Variants in PACRG observed in about 807,000 individuals in gnomAD.
The protein encoded by PACRG is parkin coregulated gene protein.
A neutral mutation model predicts 29.7 loss-of-function variants in PACRG; 29 were observed. That is an observed-to-expected ratio of 0.98 (90% CI 0.73 to 1.33). PACRG has a LOEUF of 1.33. Among genes scored for constraint, PACRG ranks in the 40% most tolerant of loss-of-function variants. The pLI, the probability that PACRG is intolerant of heterozygous loss-of-function variation, is 0.00. For synonymous variants in PACRG, 116 were observed against 118.7 expected (o/e 0.98, Z 0.15); for missense variants, 279 against 316.2 (o/e 0.88, Z 0.89).
chr6:163,007,942 C>T lies in PACRG; in HGVS notation c.292-54208C>T, dbSNP rs188686886. On this transcript the variant is annotated intron_variant, in intron 2 of 4. Transcript: ENST00000366888. ...GTGACCTCAGCTGAGCCTTCCACTG[C>T]GTACTTGGTTTCATTTTAAGTCCCC... Among the ~76,000 whole-genome samples, 243 of 152,216 alleles carry T rather than the reference C, an allele frequency of 1.6e-3. 1 individual carries two copies. The highest frequency in any genetic ancestry group is 1.6e-3 in the Non-Finnish European group (112 of 68,024).
intron 2 of PACRG, among the ~76,000 whole-genome samples, chr6:162,941,589 T>C (rs1191139785): frequency 6.6e-6 from 1 of 152,224 alleles, no homozygotes; most frequent in Non-Finnish European, 1.5e-5. Flanking sequence ...ACTGTCATTG[T>C]TGCTGTTGGT....
chr6:162,784,010 T>G (rs1784280592), intron 1 of PACRG, among the ~76,000 whole-genome samples: 1 of 152,170 alleles, frequency 6.6e-6, no homozygotes, highest in Non-Finnish European at 1.5e-5. Context: ...TTGGTCACAT[T>G]TCTCAAATAT....
intron 2 of PACRG, among the ~76,000 whole-genome samples, chr6:162,951,841 C>G (rs1799677343): frequency 6.6e-6 from 1 of 152,138 alleles, no homozygotes; most frequent in Non-Finnish European, 1.5e-5. Flanking sequence ...TCGTTGTAGT[C>G]TTACTGGGGA....
chr6:162,793,512 CT>C (rs1430837473), intron 1 of PACRG, among the ~76,000 whole-genome samples: 4 of 152,062 alleles, frequency 2.6e-5, no homozygotes, highest in African/African-American at 7.2e-5. Flanking sequence ...TGTCTTGTTG[CT>C]TCATGGTTGG....
At chr6:162,835,015 G>A (rs1276459087) in intron 2 of PACRG, among the ~76,000 whole-genome samples, 1 of 151,852 alleles carries the variant, frequency 6.6e-6, no homozygotes, top group African/African-American at 2.4e-5. Context: ...TATTCTACTT[G>A]GCCTCATTGA....
rs200270873 is a variant in PACRG, at chr6:162,958,884, TAGAGAGAGAGAGAG to T, written c.292-103224_292-103211del. 4.4e-3 allele frequency among the ~76,000 whole-genome samples: 93 copies of T among 21,094 alleles called. 1 individual carries two copies. The highest frequency in any genetic ancestry group is 0.011 in the African/African-American group (74 of 6,572). The allele number at this position is 21,094 out of a possible 152,430, so 13.8% of individuals were successfully genotyped here. Reference sequence around the variant, plus strand: ...ATATATATATATATATATATATATATAGAGAGAGAGAGAGAGAGAGAGAGAGAGAGAGAGAGAGA... The same window carrying T: ...ATATATATATATATATATATATATATAGAGAGAGAGAGAGAGAGAGAGAGA... On this transcript the variant is annotated intron_variant, in intron 2 of 4. Transcript: ENST00000366888.
intron 3 of PACRG, among the ~76,000 whole-genome samples, chr6:163,073,161 A>C (rs1258755481): frequency 6.6e-6 from 1 of 152,204 alleles, no homozygotes; most frequent in Non-Finnish European, 1.5e-5. Context: ...TCCGAAGCAA[A>C]AAGAATAAAG....
chr6:162,811,416 A>G (rs1786855927), intron 1 of PACRG, among the ~76,000 whole-genome samples: 1 of 152,164 alleles, frequency 6.6e-6, no homozygotes, highest in African/African-American at 2.4e-5. Flanking sequence ...CAGAAAATAC[A>G]TGTTACTGCA....
At chr6:163,037,634 C>G (rs1585058243) in intron 2 of PACRG, among the ~76,000 whole-genome samples, 1 of 152,362 alleles carries the variant, frequency 6.6e-6, no homozygotes, top group South Asian at 2.1e-4. Flanking sequence ...CCCTGAGAAA[C>G]AAAGTACAGC....
intron 3 of PACRG, among the ~76,000 whole-genome samples, chr6:163,068,725 C>T (rs1215738264): frequency 6.6e-6 from 1 of 152,026 alleles, no homozygotes; most frequent in African/African-American, 2.4e-5. Flanking sequence ...ATGTCCTTGA[C>T]TCTATCTTCC....
chr6:163,143,014 C>T (rs1347098717), intron 4 of PACRG, among the ~76,000 whole-genome samples: 1 of 152,162 alleles, frequency 6.6e-6, no homozygotes, highest in Non-Finnish European at 1.5e-5. Context: ...AGAAAGAAGA[C>T]AGCGGTGGAA....
chr6:163,150,287 C>T (rs941218964), intron 4 of PACRG, among the ~76,000 whole-genome samples: 13 of 152,130 alleles, frequency 8.5e-5, no homozygotes, highest in Non-Finnish European at 1.5e-4. Context: ...GCCCCAAGGG[C>T]ATCCCGGAGC....
intron 2 of PACRG, among the ~76,000 whole-genome samples, chr6:163,057,790 A>T (rs982417162): frequency 1.3e-5 from 2 of 152,194 alleles, no homozygotes; most frequent in Non-Finnish European, 2.9e-5. Context: ...AAAATATCTT[A>T]AGGTTCCCAG....
intron 4 of PACRG, among the ~76,000 whole-genome samples, chr6:163,118,156 G>T (rs1262009121): frequency 1.3e-5 from 2 of 152,230 alleles, no homozygotes; most frequent in African/African-American, 4.8e-5. Flanking sequence ...CTGCCAAGGT[G>T]TTTATACACT....
At chr6:162,750,846 A>G (rs909899676) in intron 1 of PACRG, among the ~76,000 whole-genome samples, 1 of 152,190 alleles carries the variant, frequency 6.6e-6, no homozygotes, top group African/African-American at 2.4e-5. Flanking sequence ...ATTAACATAT[A>G]ATTGTCCTGT....
intron 4 of PACRG, among the ~76,000 whole-genome samples, chr6:163,271,452 A>T (rs772179052): frequency 1.3e-5 from 2 of 152,184 alleles, no homozygotes; most frequent in African/African-American, 2.4e-5. Flanking sequence ...CCATAGTTTG[A>T]TGGGCCTTCC....
chr6:163,278,366 T>G (rs1185900581), intron 4 of PACRG, among the ~76,000 whole-genome samples: 1 of 152,214 alleles, frequency 6.6e-6, no homozygotes, highest in Admixed American at 6.5e-5. Context: ...TTTTTGTTTT[T>G]GTTGAATTTG....
At chr6:163,004,634 T>A (rs1455591728) in intron 2 of PACRG, among the ~76,000 whole-genome samples, 4 of 151,270 alleles carry the variant, frequency 2.6e-5, no homozygotes, top group Non-Finnish European at 5.9e-5. Flanking sequence ...ACTATGAGCA[T>A]TACAATTCAA....
At chr6:163,123,151 G>A (rs1298839202) in intron 4 of PACRG, among the ~76,000 whole-genome samples, 5 of 152,190 alleles carry the variant, frequency 3.3e-5, no homozygotes, top group South Asian at 4.1e-4. Flanking sequence ...TGGAGGAGGC[G>A]GTGTCTGATT....
Sources: gnomAD v4.1 joint callset for allele counts (sites outside exome capture counted in the v4.1 genomes callset) on GRCh38, gnomAD v4.1.1 for gene constraint, MANE v1.5 for transcripts, NCBI Gene and HGNC (gene_info 2026-07-23, HGNC 2026-07-21) for gene names.